The following TENM2 variants were observed in gnomAD, a reference collection of about 807,000 sequenced individuals.
TENM2 encodes teneurin transmembrane protein 2, also known as teneurin-2.
A neutral mutation model predicts 245.2 loss-of-function variants in TENM2; 52 were observed. That is an observed-to-expected ratio of 0.21 (90% CI 0.17 to 0.27). TENM2 has a LOEUF of 0.27. Among genes scored for constraint, TENM2 ranks in the 10% least tolerant of loss-of-function variants. The pLI, the probability that TENM2 is intolerant of heterozygous loss-of-function variation, is 1.00. For missense variants in TENM2, 3,046 were observed against 3,666.8 expected (o/e 0.83, Z 4.37); for synonymous variants, 1,363 against 1,438.9 (o/e 0.95, Z 1.19).
intron 2 of TENM2, among the ~76,000 whole-genome samples, chr5:167,409,450 T>G (rs1390271958): frequency 1.1e-4 from 17 of 151,920 alleles, no homozygotes; most frequent in Admixed American, 1.1e-3. Flanking sequence ...TTTAATAACA[T>G]AGGGAAGTAC....
At chr5:167,019,987 T>A in the TENM2 span, among the ~76,000 whole-genome samples, 11 of 151,906 alleles carry the variant, frequency 7.2e-5, no homozygotes, top group Non-Finnish European at 1.5e-4. Flanking sequence ...GAAATGGAGG[T>A]AGAATAATAA....
At chr5:167,281,842 T>C (rs2127703625), upstream of TENM2, among the ~76,000 whole-genome samples, 1 of 151,810 alleles carries the variant, frequency 6.6e-6, no homozygotes. Flanking sequence ...CTACTAAAAA[T>C]ACAAGAAATT....
chr5:167,136,391 T>A, the TENM2 span, among the ~76,000 whole-genome samples: 2 of 152,170 alleles, frequency 1.3e-5, no homozygotes, highest in African/African-American at 4.8e-5. Flanking sequence ...TAAGAAGTAA[T>A]GGCAATGCCA....
intron 2 of TENM2, among the ~76,000 whole-genome samples, chr5:167,519,391 A>T (rs1375289403): frequency 6.6e-6 from 1 of 152,084 alleles, no homozygotes; most frequent in Non-Finnish European, 1.5e-5. Flanking sequence ...TCTACCATTG[A>T]TCCCTTTATA....
At chr5:167,271,049 T>C in the TENM2 span, among the ~76,000 whole-genome samples, 33 of 152,164 alleles carry the variant, frequency 2.2e-4, no homozygotes, top group Non-Finnish European at 4.7e-4. Context: ...CTCTGCACAC[T>C]GTGATTGTCT....
In TENM2 at chr5:168,218,733, G is replaced by C. The variant is rs1384023851; in HGVS notation, c.4842G>C (p.Leu1614Phe). The change falls in exon 23 of 29, where the codon TTG becomes TTC. Residue 1614 changes from leucine (L) to phenylalanine (F), a missense_variant. Leu to Phe is a conservative substitution (Grantham distance 22). This residue lies in a region of TENM2 where 2,704 missense variants were observed against 3,331.9 expected (regional missense o/e 0.81). Coordinates refer to ENST00000518659, the Ensembl canonical transcript of TENM2. This position sits in a 1 kb window ranked among gnomAD's most constrained non-coding sequence, Gnocchi z 5.2. ...TGAGCCTGGTGACAGGGGAGTACTTGTACAATTTCACATATAGTACTGACA... is the reference window on the plus strand; with the variant it reads ...TGAGCCTGGTGACAGGGGAGTACTTCTACAATTTCACATATAGTACTGACA... 2.5e-6 allele frequency: 4 copies of C among 1,613,902 alleles called. No individual in the cohort carries two copies. Among genetic ancestry groups the C allele is most frequent in the Non-Finnish European group, 3.4e-6 (4 of 1,179,902 alleles).
At chr5:167,248,007 A>T in the TENM2 span, among the ~76,000 whole-genome samples, 105 of 152,310 alleles carry the variant, frequency 6.9e-4, no homozygotes, top group Middle Eastern at 0.01. Flanking sequence ...CAGATGACAG[A>T]TACAAAAAGT....
chr5:167,726,219 C>G (rs369613687), intron 2 of TENM2, among the ~76,000 whole-genome samples: 5 of 152,246 alleles, frequency 3.3e-5, no homozygotes, highest in South Asian at 2.1e-4. Context: ...GTTGATAATG[C>G]TCCTCATTAC....
chr5:167,088,331 A>G, the TENM2 span, among the ~76,000 whole-genome samples: 1 of 152,176 alleles, frequency 6.6e-6, no homozygotes, highest in Non-Finnish European at 1.5e-5. Flanking sequence ...AATTCTCACT[A>G]AAAGTTAGAA....
At chr5:168,190,229 G>A (rs76686702) in intron 13 of TENM2, 108 bp from the exon 16 acceptor site, 5 of 765,998 alleles carry the variant, frequency 6.5e-6, no homozygotes, top group Non-Finnish European at 6.4e-6. Context: ...AGGCCCTTGG[G>A]TACGTTTGAT....
intron 2 of TENM2, among the ~76,000 whole-genome samples, chr5:167,464,396 C>A (rs1766515947): frequency 6.6e-6 from 1 of 152,070 alleles, no homozygotes; most frequent in South Asian, 2.1e-4. Context: ...ATATAGATAG[C>A]CTCTTTGTAC....
chr5:167,730,447 T>C (rs1442034545), intron 2 of TENM2, among the ~76,000 whole-genome samples: 1 of 152,216 alleles, frequency 6.6e-6, no homozygotes, highest in Non-Finnish European at 1.5e-5. Flanking sequence ...GTTTTTGGTG[T>C]CATCCAGCAT....
intron 4 of TENM2, among the ~76,000 whole-genome samples, chr5:167,991,213 G>T (rs2152003936): frequency 6.6e-6 from 1 of 152,314 alleles, no homozygotes; most frequent in Admixed American, 6.5e-5. Flanking sequence ...GACATCAAGA[G>T]AAAGGAAATA....
chr5:167,089,501 A>T, the TENM2 span, among the ~76,000 whole-genome samples: 1 of 152,140 alleles, frequency 6.6e-6, no homozygotes, highest in East Asian at 1.9e-4. Flanking sequence ...TCCAAAAGAG[A>T]TTAGGGGCTC....
At chr5:167,816,367 C>T (rs1299472748) in intron 2 of TENM2, among the ~76,000 whole-genome samples, 16 of 152,148 alleles carry the variant, frequency 1.1e-4, no homozygotes, top group African/African-American at 3.9e-4. Flanking sequence ...TTCTAAAGAC[C>T]TTACCTTTAA....
chr5:167,377,514 A>G (rs1760833123), intron 2 of TENM2, among the ~76,000 whole-genome samples: 1 of 152,160 alleles, frequency 6.6e-6, no homozygotes, highest in African/African-American at 2.4e-5. Flanking sequence ...TTCTTTTTAA[A>G]ACATTTTTTC....
intron 5 of TENM2, among the ~76,000 whole-genome samples, chr5:168,021,991 A>G (rs1207759070): frequency 6.6e-6 from 1 of 152,176 alleles, no homozygotes; most frequent in Non-Finnish European, 1.5e-5. Context: ...CATCAACTGC[A>G]TTTTGCAGAT....
At chr5:168,115,497 T>C (rs1015084854) in intron 9 of TENM2, among the ~76,000 whole-genome samples, 3 of 152,120 alleles carry the variant, frequency 2.0e-5, no homozygotes, top group Admixed American at 6.6e-5. Context: ...TGCACCTTAC[T>C]TTCTACCATC....
At chr5:167,879,787 T>C (rs751777331) in intron 3 of TENM2, among the ~76,000 whole-genome samples, 6 of 152,168 alleles carry the variant, frequency 3.9e-5, no homozygotes, top group Admixed American at 6.5e-5. Context: ...GTAGATCTTA[T>C]GTGGCAAAAG....
Sources: gnomAD v4.1 joint callset for allele counts (sites outside exome capture counted in the v4.1 genomes callset) on GRCh38, gnomAD v4.1.1 for gene constraint, gnomAD v4.1.1 regional missense constraint, Gnocchi (gnomAD v3.1) non-coding constraint, MANE v1.5 for transcripts, NCBI Gene and HGNC (gene_info 2026-07-23, HGNC 2026-07-21) for gene names.